The following HIVEP3 variants were observed in gnomAD, a reference collection of about 807,000 sequenced individuals.
HIVEP3 encodes transcription factor HIVEP3.
Under a neutral mutation model 152.8 loss-of-function variants are expected in HIVEP3, and 49 were observed. The ratio of observed to expected loss-of-function variants is 0.32; its 90% CI spans 0.26 to 0.41. The LOEUF is 0.41. Among genes scored for constraint, HIVEP3 ranks in the 10% least tolerant of loss-of-function variants. The probability of loss-of-function intolerance (pLI) is 1.00; values close to 1 mark genes in which losing one functional copy is unlikely to be tolerated. For missense variants in HIVEP3, 2,790 were observed against 3,103.3 expected (o/e 0.90, Z 2.40); for synonymous variants, 1,269 against 1,289.0 (o/e 0.98, Z 0.33).
intron 6 of HIVEP3, 68 bp from the exon 7 acceptor site, chr1:41,518,556 G>A (rs536892308): frequency 7.0e-7 from 1 of 1,427,046 alleles, no homozygotes; most frequent in African/African-American, 1.4e-5. Flanking sequence ...CAGGGCTCAT[G>A]GAGGTAGCAC....
chr1:41,905,848 G>A lies in HIVEP3; in HGVS notation c.-801+12565C>T, dbSNP rs144884906. ...GGAAGAAAAACAGAAGTACCCACCT[G>A]GTGACAGGCTAGCAGGCACAAGGAT... On this transcript the variant is annotated intron_variant, in intron 1 of 8. Coordinates refer to ENST00000372583, the MANE Select transcript of HIVEP3 (RefSeq NM_024503.5). Among the ~76,000 whole-genome samples the A allele has an allele frequency of 5.9e-5, 9 of 152,278 alleles. No homozygotes were observed. The East Asian group carries it at 1.2e-3, about 20-fold the overall frequency.
At chr1:41,830,114 C>T (rs1287820210) in intron 1 of HIVEP3, among the ~76,000 whole-genome samples, 1 of 152,158 alleles carries the variant, frequency 6.6e-6, no homozygotes, top group East Asian at 1.9e-4. Context: ...CCATCATATC[C>T]ATCACAGAAG....
intron 1 of HIVEP3, among the ~76,000 whole-genome samples, chr1:41,987,166 T>C (rs1004465158): frequency 8.5e-5 from 13 of 152,198 alleles, no homozygotes; most frequent in Admixed American, 2.0e-4. Context: ...GCTTACAAGA[T>C]AGTGATAAAT....
At chr1:41,605,393 A>G (rs1164744571) in intron 3 of HIVEP3, among the ~76,000 whole-genome samples, 1 of 151,964 alleles carries the variant, frequency 6.6e-6, no homozygotes, top group African/African-American at 2.4e-5. Flanking sequence ...ACACACACAC[A>G]CACACACACA....
chr1:41,870,886 C>G (rs114918219), intron 1 of HIVEP3, among the ~76,000 whole-genome samples: 4 of 152,312 alleles, frequency 2.6e-5, no homozygotes, highest in African/African-American at 9.6e-5. Context: ...GGGCAAGCAA[C>G]TTAACCTCTC....
chr1:41,671,239 C>T (rs113448689), intron 2 of HIVEP3, among the ~76,000 whole-genome samples: 1,546 of 152,324 alleles, frequency 0.01, 19 homozygotes, highest in African/African-American at 0.029. Flanking sequence ...TGCCCAGCCT[C>T]GACAGGGAGG....
chr1:42,002,998 T>C lies in HIVEP3; in HGVS notation n.119+32809A>G, dbSNP rs182364920. ...TTCAGTATTATCTTTTAGAGATTTCTGGGTTTTTTTTGTTCTAACTGCTAA... is the reference window on the plus strand; with the variant it reads ...TTCAGTATTATCTTTTAGAGATTTCCGGGTTTTTTTTGTTCTAACTGCTAA... On this transcript the variant is annotated intron_variant and non_coding_transcript_variant, in intron 1 of 3. Coordinates refer to the HIVEP3 transcript ENST00000489103. Among the ~76,000 whole-genome samples the C allele has an allele frequency of 4.2e-4, 64 of 152,348 alleles. No homozygotes were observed. The East Asian group carries it at 0.012, about 29-fold the overall frequency.
chr1:41,752,647 G>A (rs1486489489), intron 1 of HIVEP3, among the ~76,000 whole-genome samples: 4 of 146,258 alleles, frequency 2.7e-5, no homozygotes, highest in Non-Finnish European at 5.9e-5. Flanking sequence ...CAAATCCCTG[G>A]GCCTGTCCCA....
At chr1:41,926,153 T>C (rs1264602723) in intron 1 of HIVEP3, among the ~76,000 whole-genome samples, 1 of 152,164 alleles carries the variant, frequency 6.6e-6, no homozygotes, top group African/African-American at 2.4e-5. Context: ...TTTAGCTTAT[T>C]GAAGTCATTG....
At chr1:41,923,525 G>A (rs781774763), upstream of HIVEP3, among the ~76,000 whole-genome samples, 3 of 152,088 alleles carry the variant, frequency 2.0e-5, no homozygotes, top group Non-Finnish European at 2.9e-5. Flanking sequence ...ATTGGCCAAT[G>A]GGAACAAAGT....
chr1:41,954,080 G>A (rs560126626), intron 1 of HIVEP3, among the ~76,000 whole-genome samples: 3 of 152,288 alleles, frequency 2.0e-5, no homozygotes, highest in African/African-American at 4.8e-5. Context: ...AAAGGACTGC[G>A]CAGGGCCCAC....
intron 1 of HIVEP3, among the ~76,000 whole-genome samples, chr1:41,826,478 A>G (rs936302827): frequency 6.6e-6 from 1 of 152,148 alleles, no homozygotes; most frequent in African/African-American, 2.4e-5. Flanking sequence ...CAATGGCACA[A>G]TCTCAGCTCA....
At chr1:41,593,495 A>C (rs1175806968) in intron 3 of HIVEP3, among the ~76,000 whole-genome samples, 1 of 152,192 alleles carries the variant, frequency 6.6e-6, no homozygotes, top group Non-Finnish European at 1.5e-5. Flanking sequence ...TATCTTCTGC[A>C]TACTTGTATG....
At chr1:41,542,995 A>G (rs1359469428) in intron 5 of HIVEP3, 1 of 152,208 alleles carries the variant, frequency 6.6e-6, no homozygotes, top group Non-Finnish European at 1.5e-5. Context: ...AAACTCCAAG[A>G]TGAAGAATAA....
chr1:41,529,793 CAT>C (rs945775607), intron 5 of HIVEP3, among the ~76,000 whole-genome samples: 20 of 149,252 alleles, frequency 1.3e-4, no homozygotes, highest in South Asian at 6.5e-4. Context: ...CACACTCATA[CAT>C]ACACATAACC....
intron 1 of HIVEP3, among the ~76,000 whole-genome samples, chr1:41,812,644 T>C (rs1018858727): frequency 6.8e-6 from 1 of 147,650 alleles, no homozygotes; most frequent in African/African-American, 2.5e-5. Flanking sequence ...GCATTTATCC[T>C]GGGAAGGGAA....
intron 1 of HIVEP3, among the ~76,000 whole-genome samples, chr1:41,804,481 G>A (rs942886254): frequency 1.3e-5 from 2 of 152,176 alleles, no homozygotes; most frequent in Non-Finnish European, 2.9e-5. Flanking sequence ...GCCACCACCA[G>A]GTGCTCATTC....
intron 1 of HIVEP3, among the ~76,000 whole-genome samples, chr1:41,836,062 T>C (rs962262728): frequency 6.6e-6 from 1 of 152,206 alleles, no homozygotes; most frequent in African/African-American, 2.4e-5. Flanking sequence ...TCTTCAGAGA[T>C]TACAGGCAGC....
chr1:41,959,314 C>A (rs1476075591), intron 1 of HIVEP3, among the ~76,000 whole-genome samples: 1 of 152,204 alleles, frequency 6.6e-6, no homozygotes, highest in East Asian at 1.9e-4. Flanking sequence ...GGCAAATATT[C>A]CAGGTATAGA....
Sources: allele counts gnomAD v4.1 joint callset (sites outside exome capture counted in the v4.1 genomes callset), GRCh38; gene constraint gnomAD v4.1.1; transcripts MANE v1.5; gene names NCBI Gene and HGNC (gene_info 2026-07-23, HGNC 2026-07-21).